The following TMEM117 variants were observed in gnomAD, a reference collection of about 807,000 sequenced individuals.
The protein encoded by TMEM117 is transmembrane protein 117.
In TMEM117, 27 loss-of-function variants were observed where a neutral mutation model predicts 52.4. The ratio of observed to expected loss-of-function variants is 0.51; its 90% CI spans 0.38 to 0.71. The LOEUF (loss-of-function observed/expected upper bound fraction) is 0.71, where lower values mean the gene tolerates loss of function less well. Ranked by LOEUF, TMEM117 falls within the 30% of genes least tolerant of loss-of-function variation. The pLI, the probability that TMEM117 is intolerant of heterozygous loss-of-function variation, is 0.00. For missense variants in TMEM117, 556 were observed against 630.5 expected, an observed-to-expected ratio of 0.88 and a Z score of 1.26; for synonymous variants, 215 against 206.3, an observed-to-expected ratio of 1.04 and a Z score of -0.36.
intron 6 of TMEM117, among the ~76,000 whole-genome samples, chr12:44,362,019 A>G (rs1951727944): frequency 1.3e-5 from 2 of 152,076 alleles, no homozygotes; most frequent in African/African-American, 2.4e-5. Context: ...GCTTTGCTCA[A>G]TATTCTCTAC....
At chr12:43,928,559 A>G (rs1461698754) in intron 2 of TMEM117, among the ~76,000 whole-genome samples, 1 of 152,090 alleles carries the variant, frequency 6.6e-6, no homozygotes, top group Admixed American at 6.6e-5. Context: ...TTGCATTTAA[A>G]TATATCACTT....
rs75562290 is a variant in TMEM117, at chr12:44,037,805, G to A, written c.410+93463G>A. Among the ~76,000 whole-genome samples, 741 of 152,052 alleles carry A rather than the reference G, an allele frequency of 4.9e-3. 4 individuals are homozygous for A. The highest frequency in any genetic ancestry group is 7.0e-3 in the Non-Finnish European group (473 of 67,964). ...CTTCTCTGCTGAGATTTGGGCAGAC[G>A]TCAGGACTACCAGCTGCAGAGAGGA... On this transcript the variant is annotated intron_variant, in intron 3 of 7. Coordinates refer to ENST00000266534, the MANE Select transcript of TMEM117 (RefSeq NM_032256.3).
intron 4 of TMEM117, among the ~76,000 whole-genome samples, chr12:44,171,650 G>A (rs976290600): frequency 3.3e-5 from 5 of 152,068 alleles, no homozygotes; most frequent in African/African-American, 9.7e-5. Flanking sequence ...TAGTAAAATC[G>A]TTTTACCCAT....
intron 5 of TMEM117, among the ~76,000 whole-genome samples, chr12:44,217,371 C>T (rs921488578): frequency 2.0e-5 from 3 of 152,170 alleles, no homozygotes; most frequent in African/African-American, 7.2e-5. Context: ...GATGAGCAGT[C>T]TCTTTCTGGG....
the TMEM117 span, among the ~76,000 whole-genome samples, chr12:43,796,269 G>T: frequency 1.3e-5 from 2 of 152,134 alleles, no homozygotes; most frequent in African/African-American, 4.8e-5. Flanking sequence ...AAAGTCAGCT[G>T]ATCCCTGCTA....
intron 3 of TMEM117, among the ~76,000 whole-genome samples, chr12:44,085,468 A>T (rs970142014): frequency 6.6e-6 from 1 of 152,228 alleles, no homozygotes; most frequent in African/African-American, 2.4e-5. Context: ...GCTCTGGTAT[A>T]ATCACTCTGT....
chr12:44,211,031 C>T (rs948872470), intron 4 of TMEM117, among the ~76,000 whole-genome samples: 17 of 151,872 alleles, frequency 1.1e-4, no homozygotes, highest in African/African-American at 3.6e-4. Flanking sequence ...GTCTTATATC[C>T]GGTAATCTTA....
chr12:44,105,295 C>G (rs1249905790), intron 3 of TMEM117, among the ~76,000 whole-genome samples: 5 of 151,954 alleles, frequency 3.3e-5, no homozygotes, highest in Non-Finnish European at 7.4e-5. Flanking sequence ...TTCTGTTACA[C>G]TGGTTTTGAT....
At chr12:44,227,197 T>C (rs947925825) in intron 5 of TMEM117, among the ~76,000 whole-genome samples, 5 of 152,132 alleles carry the variant, frequency 3.3e-5, no homozygotes, top group African/African-American at 9.7e-5. Context: ...ACTTTATTAT[T>C]TGCAGTCATG....
intron 3 of TMEM117, among the ~76,000 whole-genome samples, chr12:44,029,578 C>T (rs1592454967): frequency 6.6e-6 from 1 of 152,310 alleles, no homozygotes; most frequent in African/African-American, 2.4e-5. Flanking sequence ...CTGAGTGCCT[C>T]GCTTTCCCCA....
intron 4 of TMEM117, among the ~76,000 whole-genome samples, chr12:44,154,776 AC>A (rs377092474): frequency 0.013 from 1,993 of 150,536 alleles, 29 homozygotes; most frequent in South Asian, 0.058. Context: ...AAAAAAAAAA[AC>A]CCCTTGTTTT....
chr12:44,015,528 C>T (rs887713937), intron 3 of TMEM117, among the ~76,000 whole-genome samples: 1 of 151,988 alleles, frequency 6.6e-6, no homozygotes, highest in Admixed American at 6.6e-5. Context: ...GAATTAAAAT[C>T]GCTAGAGGGC....
At chr12:44,283,571 G>T (rs1950603158) in intron 5 of TMEM117, among the ~76,000 whole-genome samples, 1 of 152,114 alleles carries the variant, frequency 6.6e-6, no homozygotes, top group African/African-American at 2.4e-5. Context: ...TCAAACAGCT[G>T]TATTTACCCA....
At chr12:44,235,025 G>T (rs943538613) in intron 5 of TMEM117, among the ~76,000 whole-genome samples, 1 of 151,500 alleles carries the variant, frequency 6.6e-6, no homozygotes, top group Non-Finnish European at 1.5e-5. Flanking sequence ...TTTAGTTACT[G>T]AGAGCTACAT....
intron 3 of TMEM117, among the ~76,000 whole-genome samples, chr12:44,021,219 C>A (rs1308074935): frequency 6.6e-6 from 1 of 151,980 alleles, no homozygotes; most frequent in East Asian, 1.9e-4. Flanking sequence ...GGTATTAAGC[C>A]CAGTACCAAA....
intron 3 of TMEM117, among the ~76,000 whole-genome samples, chr12:43,992,076 T>A (rs1395877423): frequency 1.3e-5 from 2 of 151,236 alleles, no homozygotes; most frequent in Non-Finnish European, 2.9e-5. Flanking sequence ...GGTGGGAGGA[T>A]CACTTGAGCC....
At chr12:43,873,060 A>G (rs989224463) in intron 2 of TMEM117, among the ~76,000 whole-genome samples, 1 of 152,194 alleles carries the variant, frequency 6.6e-6, no homozygotes, top group Non-Finnish European at 1.5e-5. Flanking sequence ...AATCTTAGGA[A>G]GAGGATGCTC....
intron 6 of TMEM117, among the ~76,000 whole-genome samples, chr12:44,313,141 G>A (rs530098391): frequency 6.6e-6 from 1 of 152,256 alleles, no homozygotes; most frequent in South Asian, 2.1e-4. Flanking sequence ...TTTTGGCTTT[G>A]TTGCAGTTGC....
rs957003660 is a variant in TMEM117 at position 44,225,256 on chromosome 12, A to G, written c.608+13869A>G. ...GTTGGCTGGGATTCTCTTGTAATAT[A>G]CCATGAAGTAACATAGTGCTTAATG... On this transcript the variant is annotated intron_variant, in intron 5 of 7. Transcript: ENST00000266534. Among the ~76,000 whole-genome samples the G allele has an allele frequency of 4.6e-5, 7 of 152,184 alleles. No homozygotes were observed. In the East Asian group the frequency reaches 1.3e-3, roughly 29 times the overall value.
Sources: allele counts gnomAD v4.1 joint callset (sites outside exome capture counted in the v4.1 genomes callset), GRCh38; gene constraint gnomAD v4.1.1; transcripts MANE v1.5; gene names NCBI Gene and HGNC (gene_info 2026-07-23, HGNC 2026-07-21).